Variants in AK9 observed in about 807,000 individuals in gnomAD.
AK9 encodes the protein adenylate kinase 9.
AK9 carries 191 observed loss-of-function variants against 239.6 expected under a neutral mutation model. The observed-to-expected ratio is 0.80, with a 90% confidence interval of 0.71 to 0.90. The LOEUF is 0.90. AK9 is among the 40% of genes least tolerant of loss of function. The pLI, the probability that AK9 is intolerant of heterozygous loss-of-function variation, is 0.00. For synonymous variants in AK9, 689 were observed against 721.0 expected, an observed-to-expected ratio of 0.96 and a Z score of 0.71; for missense variants, 1,995 against 2,214.7, an observed-to-expected ratio of 0.90 and a Z score of 1.99.
chr6:109,528,673 C>T (rs571097248), intron 29 of AK9: 56 of 471,394 alleles, frequency 1.2e-4, no homozygotes, highest in African/African-American at 1.1e-3. Flanking sequence ...CCAGCATATT[C>T]ACACCAGGGT....
chr6:109,549,664 C>CTTTTTTCTTT, intron 25 of AK9: 1 of 122,108 alleles, frequency 8.2e-6, no homozygotes, highest in East Asian at 2.8e-4. Flanking sequence ...TAGATATTTT[C>CTTTTTTCTTT]TTTTTTTTTT....
chr6:109,577,078 C>T (rs1562437188), intron 20 of AK9, among the ~76,000 whole-genome samples: 1 of 152,140 alleles, frequency 6.6e-6, no homozygotes, highest in Admixed American at 6.5e-5. Flanking sequence ...GATCGGCCCA[C>T]CTCGGCCTCC....
chr6:109,561,921 C>T (rs546938464), intron 24 of AK9, among the ~76,000 whole-genome samples: 4 of 152,060 alleles, frequency 2.6e-5, no homozygotes, highest in Non-Finnish European at 5.9e-5. Context: ...TCCCCTCACA[C>T]ATACTTTTTG....
At chr6:109,601,369 C>T (rs1385251654) in intron 17 of AK9, among the ~76,000 whole-genome samples, 1 of 152,124 alleles carries the variant, frequency 6.6e-6, no homozygotes, top group African/African-American at 2.4e-5. Context: ...TGTTGAGTTT[C>T]GATGTAGTTG....
chr6:109,497,796 C>T lies in AK9; in HGVS notation c.5216G>A (p.Arg1739Lys). 1 of 1,610,942 alleles carries T rather than the reference C, an allele frequency of 6.2e-7. No individual in the cohort carries two copies. The highest frequency in any genetic ancestry group is 8.5e-7 in the Non-Finnish European group (1 of 1,177,422). ...CPVTYKDGNQRYEALVPGSIN... is the reference protein window; with the variant it reads ...CPVTYKDGNQKYEALVPGSIN... ...TACTTCCATGAAGGCCAGGACTTGC[C>T]TTTGGTTTCCATCCTTATAGGTCAC... is the stretch of plus-strand genomic sequence containing the variant. The change falls in exon 37 of 41, where the codon AGA becomes AAA. Residue 1739 changes from arginine (R) to lysine (K), a missense_variant and splice_region_variant. Arg to Lys is a conservative substitution (Grantham distance 26). Transcript: ENST00000424296.
chr6:109,639,224 C>A (rs1390673047), intron 10 of AK9, among the ~76,000 whole-genome samples: 1 of 152,190 alleles, frequency 6.6e-6, no homozygotes, highest in South Asian at 2.1e-4. Flanking sequence ...GAGGAATCAC[C>A]GCACTGTCTT....
At chr6:109,674,105 G>A (rs947798843) in intron 3 of AK9, 93 bp downstream of exon 3, 15 of 884,906 alleles carry the variant, frequency 1.7e-5, no homozygotes, top group Non-Finnish European at 2.2e-5. Context: ...TCTAGATGGT[G>A]AGTATATGGG....
chr6:109,503,194 A>G (rs944904958), intron 35 of AK9, among the ~76,000 whole-genome samples: 6 of 151,900 alleles, frequency 3.9e-5, no homozygotes, highest in Non-Finnish European at 7.4e-5. Flanking sequence ...AGTATTATTA[A>G]GGTATATAGT....
rs1230093891 is a variant in AK9 at position 109,659,335 on chromosome 6, G to A, written c.523C>T (p.Gln175Ter). Reference protein sequence around the residue: ...NNTGYIYSRDQWDPEVIENHR... With the variant: ...NNTGYIYSRD ...TTCTCAATGACTTCAGGATCCCACT[G>A]GTCTCTACTGTATATGTATCCCGTA... The change falls in exon 7 of 41, where the codon CAG becomes TAG. Residue 175 changes from glutamine to a stop codon, truncating the protein, a stop_gained. Transcript: ENST00000424296. LOFTEE classifies it high-confidence loss of function. 6.2e-7 allele frequency: 1 copy of A among 1,608,738 alleles called. No individual in the cohort carries two copies. The highest frequency in any genetic ancestry group is 8.5e-7 in the Non-Finnish European group (1 of 1,178,554).
chr6:109,602,100 G>A (rs1414639725), intron 17 of AK9, among the ~76,000 whole-genome samples: 2 of 152,152 alleles, frequency 1.3e-5, no homozygotes, highest in Admixed American at 1.3e-4. Flanking sequence ...TGTTATGTGT[G>A]AATTTGATCC....
Position 109,516,568 on chromosome 6 carries a change from A to T in AK9, c.3708T>A (p.Leu1236=). The change falls in exon 30 of 41, where the codon CTT becomes CTA. Residue 1236 remains leucine, a synonymous_variant. Coordinates refer to ENST00000424296, the MANE Select transcript of AK9 (RefSeq NM_001145128.3). ...EEDNDDIENI[L]EDEFPKDEEE... The stretch of plus-strand genomic sequence containing the variant: ...CCTCATCTTTTGGAAACTCATCTTC[A>T]AGGATGTTTTCAATATCATCATTGT... The T allele has an allele frequency of 6.4e-7, 1 of 1,551,260 alleles. No individual in the cohort carries two copies. The highest frequency in any genetic ancestry group is 1.7e-4 in the Middle Eastern group (1 of 5,992).
At chr6:109,522,437 A>T (rs1044470486) in intron 29 of AK9, among the ~76,000 whole-genome samples, 1 of 151,698 alleles carries the variant, frequency 6.6e-6, no homozygotes, top group African/African-American at 2.4e-5. Flanking sequence ...GACCTCATAG[A>T]TCTTCAGTTT....
At chr6:109,589,345 A>G (rs1287163586) in intron 17 of AK9, among the ~76,000 whole-genome samples, 1 of 152,154 alleles carries the variant, frequency 6.6e-6, no homozygotes, top group Non-Finnish European at 1.5e-5. Context: ...GCCATTATAA[A>G]TGGGATTGAG....
intron 1 of AK9, among the ~76,000 whole-genome samples, chr6:109,683,433 C>T (rs1772979792): frequency 6.6e-6 from 1 of 152,128 alleles, no homozygotes; most frequent in African/African-American, 2.4e-5. Context: ...AAAGGGTATT[C>T]AAATAGGGAG....
intron 10 of AK9, among the ~76,000 whole-genome samples, chr6:109,640,567 C>T (rs995025419): frequency 2.1e-4 from 27 of 129,066 alleles, no homozygotes; most frequent in African/African-American, 7.9e-4. Context: ...CATCTTGGAA[C>T]TCCACCCCAA....
chr6:109,601,888 G>A (rs371259607), intron 17 of AK9, among the ~76,000 whole-genome samples: 16 of 152,184 alleles, frequency 1.1e-4, no homozygotes, highest in Admixed American at 6.5e-4. Flanking sequence ...TCAGAGACTA[G>A]GATTGCAACC....
intron 10 of AK9, among the ~76,000 whole-genome samples, chr6:109,636,783 C>CACACACACACACACACACACA (rs1554278039): frequency 1.4e-5 from 2 of 145,004 alleles, no homozygotes; most frequent in East Asian, 2.0e-4. Context: ...CACACACACA[C>CACACACACACACACACACACA]CACATTTTAT....
rs772668381 is a variant in AK9 at position 109,495,372 on chromosome 6, A to C, written c.5384T>G (p.Leu1795Arg). 1.2e-6 allele frequency: 2 copies of C among 1,613,942 alleles called. No individual in the cohort carries two copies. The highest frequency in any genetic ancestry group is 3.3e-5 in the Admixed American group (2 of 59,974). ...KLPPLREPIL[L>R]TSLPLPGYLE... ...ATATCCAGGCAAAGGAAGACTAGTAAGAAGTATCGGTTCCCTTAATGGGGG... is the reference window on the plus strand; with the variant it reads ...ATATCCAGGCAAAGGAAGACTAGTACGAAGTATCGGTTCCCTTAATGGGGG... The change falls in exon 39 of 41, where the codon CTT becomes CGT. Residue 1795 changes from leucine (L) to arginine (R), a missense_variant. Leu to Arg is a moderately radical substitution (Grantham distance 102). Coordinates refer to ENST00000424296, the MANE Select transcript of AK9 (RefSeq NM_001145128.3).
intron 1 of AK9, among the ~76,000 whole-genome samples, chr6:109,687,240 G>A (rs1773637740): frequency 6.6e-6 from 1 of 152,112 alleles, no homozygotes; most frequent in African/African-American, 2.4e-5. Context: ...GGCCTAGAAG[G>A]TACAAGATCA....
Sources: gnomAD v4.1 joint callset for allele counts (sites outside exome capture counted in the v4.1 genomes callset) on GRCh38, gnomAD v4.1.1 for gene constraint, MANE v1.5 for transcripts, NCBI Gene and HGNC (gene_info 2026-07-23, HGNC 2026-07-21) for gene names.